The following MMP25 variants were observed in gnomAD, a reference collection of about 807,000 sequenced individuals.
MMP25 encodes matrix metallopeptidase 25.
A neutral mutation model predicts 62.1 loss-of-function variants in MMP25; 68 were observed. The observed-to-expected ratio is 1.10, with a 90% CI of 0.90 to 1.34. The LOEUF is 1.34. Ranked by LOEUF, MMP25 falls within the 40% of genes most tolerant of loss-of-function variation. The pLI is 0.00. For synonymous variants in MMP25, 407 were observed against 345.6 expected, an observed-to-expected ratio of 1.18 and a Z score of -1.97; for missense variants, 942 against 792.5, an observed-to-expected ratio of 1.19 and a Z score of -2.26.
intron 4 of MMP25, chr16:3,053,194 C>T (rs867863966): frequency 0.014 from 2,159 of 149,236 alleles, no homozygotes; most frequent in African/African-American, 0.053. Context: ...TTCGGCTGGG[C>T]GTGGTGGCAC....
intron 2 of MMP25, among the ~76,000 whole-genome samples, chr16:3,047,956 C>T (rs1289800420): frequency 6.6e-6 from 1 of 151,878 alleles, no homozygotes; most frequent in African/African-American, 2.4e-5. Flanking sequence ...TCTCCTGCCT[C>T]AGCCTCCTGA....
intron 2 of MMP25, among the ~76,000 whole-genome samples, chr16:3,047,913 C>T (rs1436450373): frequency 6.6e-6 from 1 of 150,962 alleles, no homozygotes; most frequent in African/African-American, 2.4e-5. Flanking sequence ...CATCTCGGCT[C>T]ACCGCAACCT....
intron 1 of MMP25, 46 bp from the exon 2 acceptor site, chr16:3,047,369 A>G (rs1193077149): frequency 5.7e-6 from 9 of 1,582,596 alleles, no homozygotes; most frequent in Non-Finnish European, 7.8e-6. Context: ...GAGAGAGCCC[A>G]TACTTTTCAC....
At chr16:3,058,114 A>G (rs2151164557) in intron 7 of MMP25, 67 bp from the exon 8 acceptor site, 2 of 1,567,568 alleles carry the variant, frequency 1.3e-6, no homozygotes, top group Admixed American at 3.9e-5. Flanking sequence ...CCACCCAGCC[A>G]CACACCCTGG....
intron 2 of MMP25, among the ~76,000 whole-genome samples, chr16:3,049,228 C>T (rs946459889): frequency 5.3e-5 from 8 of 151,746 alleles, no homozygotes; most frequent in African/African-American, 1.9e-4. Context: ...GGATGGGTGG[C>T]ATATGTGGCC....
chr16:3,049,432 C>G (rs1460712068), intron 2 of MMP25, among the ~76,000 whole-genome samples: 1 of 152,154 alleles, frequency 6.6e-6, no homozygotes, highest in African/African-American at 2.4e-5. Context: ...TCACTATTTG[C>G]CGCCTCAATA....
At position 3,047,027 on chromosome 16, in the gene MMP25, G is replaced by A. The variant is rs1237177251; in HGVS notation, c.99+11G>A. The stretch of plus-strand genomic sequence containing the variant: ...GTGAGCCTGGGCGTGGTGAGCGCGG[G>A]GTCCGCAGGCTCCTGGGGTCTGCAG... On this transcript the variant is annotated intron_variant, in intron 1 of 9. Transcript: ENST00000336577. 7.0e-7 allele frequency: 1 copy of A among 1,431,732 alleles called. No homozygotes were observed. The highest frequency in any genetic ancestry group is 9.1e-7 in the Non-Finnish European group (1 of 1,100,434). 88.7% of individuals were successfully genotyped at this position (1,431,732 alleles called of 1,614,324 possible).
chr16:3,058,022 A>G (rs1956042615), intron 7 of MMP25, 159 bp from the exon 8 acceptor site: 2 of 843,068 alleles, frequency 2.4e-6, no homozygotes, highest in Admixed American at 3.2e-5. Flanking sequence ...TTAGCGCTAA[A>G]AAGGGAAAAG....
At position 3,055,974 on chromosome 16, in the gene MMP25, A is replaced by C. The variant is rs1455059760; in HGVS notation, c.662-1059A>C. ...AATACAGAGGGAAGAGGCTGGGAGC[A>C]AGGCCGGGTGCTGGGGCCGGCAGGC... On this transcript the variant is annotated intron_variant, in intron 4 of 9. Coordinates refer to ENST00000336577, the MANE Select transcript of MMP25 (RefSeq NM_022468.5). The C allele has an allele frequency of 6.8e-5, 31 of 454,934 alleles. No individual in the cohort carries two copies. In the East Asian group the frequency reaches 7.0e-4, roughly 10 times the overall value. The allele number at this position is 454,934 out of a possible 1,614,324, so 28.2% of individuals were successfully genotyped here.
At chr16:3,057,233 G>A (rs1054291617) in intron 5 of MMP25, 24 bp downstream of exon 5, 26 of 1,613,576 alleles carry the variant, frequency 1.6e-5, no homozygotes, top group Non-Finnish European at 2.1e-5. Context: ...GACCTGCCGC[G>A]AAACCATCAT....
In MMP25 at chr16:3,046,670, A is replaced by G. The variant is rs1567429461; in HGVS notation, c.-248A>G. The G allele has an allele frequency of 3.0e-6, 1 of 334,890 alleles. No individual in the cohort carries two copies. The highest frequency in any genetic ancestry group is 5.4e-6 in the Non-Finnish European group (1 of 186,448). 20.7% of individuals were successfully genotyped at this position (334,890 alleles called of 1,614,324 possible). ...ACCTCCGCCGCTCCCGCGCCCTCTC[A>G]ACCATCCTGGGATTCCCGGGCCCAC... On this transcript the variant is annotated 5_prime_UTR_variant, in exon 1 of 10. Transcript: ENST00000336577.
intron 7 of MMP25, 53 bp downstream of exon 7, chr16:3,057,666 G>A (rs1956037327): frequency 9.2e-6 from 14 of 1,519,260 alleles, no homozygotes; most frequent in Non-Finnish European, 1.3e-5. Flanking sequence ...CACTTCCAGT[G>A]ACCCACTGGG....
At chr16:3,056,428 C>T (rs1488473914) in intron 4 of MMP25, among the ~76,000 whole-genome samples, 3 of 151,472 alleles carry the variant, frequency 2.0e-5, no homozygotes, top group Non-Finnish European at 4.4e-5. Flanking sequence ...GAGACGGGGC[C>T]TTATTCTGTC....
intron 4 of MMP25, among the ~76,000 whole-genome samples, chr16:3,050,820 C>G (rs1358445206): frequency 6.6e-6 from 1 of 152,076 alleles, no homozygotes; most frequent in Non-Finnish European, 1.5e-5. Context: ...GAAACAGGGT[C>G]TCATTATCTT....
Position 3,059,281 on chromosome 16 carries a change from G to A in MMP25, c.*183G>A, listed in dbSNP as rs1294012957. 2.2e-5 allele frequency: 15 copies of A among 692,514 alleles called. No homozygotes were observed. In the South Asian group the frequency reaches 3.7e-4, roughly 17 times the overall value. The allele number at this position is 692,514 out of a possible 1,614,324, so 42.9% of individuals were successfully genotyped here. ...CGGCGGCGGCGGGGACCGGTCGCCT[G>A]GCGCTGGGCTCAGTCTCCTCAGGGT... On this transcript the variant is annotated 3_prime_UTR_variant, in exon 10 of 10. Transcript: ENST00000336577.
intron 1 of MMP25, 33 bp from the exon 2 acceptor site, chr16:3,047,382 A>T: frequency 6.3e-7 from 1 of 1,593,462 alleles, no homozygotes; most frequent in Non-Finnish European, 8.6e-7. Flanking sequence ...CTTTTCACCC[A>T]GCCCGCTTCA....
intron 4 of MMP25, chr16:3,054,273 G>T (rs1215380541): frequency 1.3e-5 from 2 of 152,858 alleles, no homozygotes; most frequent in Non-Finnish European, 2.9e-5. Flanking sequence ...TGCATGCACA[G>T]AGGCAGGGAT....
intron 7 of MMP25, 134 bp downstream of exon 7, chr16:3,057,747 G>T (rs184971983): frequency 2.5e-6 from 2 of 811,772 alleles, no homozygotes; most frequent in South Asian, 1.5e-5. Flanking sequence ...TGCCTGGGCC[G>T]CAGTGCAGTG....
Position 3,050,522 on chromosome 16 carries a change from G to A in MMP25, c.637G>A (p.Glu213Lys). Residue 213 changes from glutamate (E) to lysine (K), a missense_variant, in exon 4 of 10, where the codon GAG (glutamate) becomes AAG (lysine). Physicochemically the swap from Glu to Lys is moderately conservative, Grantham distance 56. Coordinates refer to ENST00000336577, the MANE Select transcript of MMP25 (RefSeq NM_022468.5). ...CGGGGACACTCACTTTGACGATGAG[G>A]AGACCTGGACTTTTGGGTCAAAAGG... ...ISGDTHFDDE[E>K]TWTFGSKDGE... 1 of 1,570,042 alleles carries A rather than the reference G, an allele frequency of 6.4e-7. No homozygotes were observed. The highest frequency in any genetic ancestry group is 1.8e-5 in the Admixed American group (1 of 54,646).
Sources: allele counts gnomAD v4.1 joint callset (sites outside exome capture counted in the v4.1 genomes callset), GRCh38; gene constraint gnomAD v4.1.1; transcripts MANE v1.5; gene names NCBI Gene and HGNC (gene_info 2026-07-23, HGNC 2026-07-21).